Variants in PTPRN2 observed in about 807,000 individuals in gnomAD.
The protein encoded by PTPRN2 is receptor-type tyrosine-protein phosphatase N2.
A neutral mutation model predicts 118.8 loss-of-function variants in PTPRN2; 74 were observed. The ratio of observed to expected loss-of-function variants is 0.62; its 90% CI spans 0.52 to 0.76. PTPRN2 has a LOEUF of 0.76. PTPRN2 is among the 30% of genes least tolerant of loss of function. The probability of loss-of-function intolerance (pLI) is 0.00; values close to 1 mark genes in which losing one functional copy is unlikely to be tolerated. For missense variants in PTPRN2, 1,481 were observed against 1,394.4 expected, an observed-to-expected ratio of 1.06 and a Z score of -0.99; for synonymous variants, 641 against 608.0, an observed-to-expected ratio of 1.05 and a Z score of -0.80.
chr7:157,645,212 T>C (rs989262393), intron 14 of PTPRN2, among the ~76,000 whole-genome samples: 1 of 152,226 alleles, frequency 6.6e-6, no homozygotes, highest in Non-Finnish European at 1.5e-5. Flanking sequence ...ATGAGGACTG[T>C]GTCCAAAACC....
At chr7:158,332,870 T>C (rs1234176144) in intron 2 of PTPRN2, among the ~76,000 whole-genome samples, 4 of 146,740 alleles carry the variant, frequency 2.7e-5, no homozygotes, top group African/African-American at 5.4e-5. Context: ...ACCCACACTC[T>C]CACCATAAGA....
intron 12 of PTPRN2, among the ~76,000 whole-genome samples, chr7:157,795,869 G>C (rs1163862378): frequency 6.6e-6 from 1 of 152,194 alleles, no homozygotes; most frequent in African/African-American, 2.4e-5. Context: ...CCTGCCTGAC[G>C]GAGGGAGCCC....
At chr7:157,672,675 T>C (rs1263546) in intron 13 of PTPRN2, among the ~76,000 whole-genome samples, 129,356 of 152,240 alleles carry the variant, frequency 0.85, 55,398 homozygotes, top group Non-Finnish European at 0.91. Flanking sequence ...TCCTCAGAGG[T>C]ACTCAGTCCA....
chr7:157,659,306 G>T lies in PTPRN2; in HGVS notation c.2002-2755C>A, dbSNP rs534142276. 1.1e-4 allele frequency among the ~76,000 whole-genome samples: 14 copies of T among 122,846 alleles called. No individual in the cohort carries two copies. In the South Asian group the frequency reaches 3.8e-3, roughly 33 times the overall value. 80.6% of individuals were successfully genotyped at this position (122,846 alleles called of 152,430 possible). A position where few individuals can be genotyped will look rare whatever the true frequency, so the allele number is the denominator to read the frequency against. On this transcript the variant is annotated intron_variant, in intron 13 of 22. Transcript: ENST00000389418. Reference sequence around the variant, plus strand: ...GGACTGGGAGGATGACTGCGGGGACGGGGGGGGATGACCCCGGGGACTGGG... The same window carrying T: ...GGACTGGGAGGATGACTGCGGGGACTGGGGGGGATGACCCCGGGGACTGGG...
At chr7:158,094,470 C>G (rs1050936873) in intron 10 of PTPRN2, among the ~76,000 whole-genome samples, 1 of 152,098 alleles carries the variant, frequency 6.6e-6, no homozygotes, top group Non-Finnish European at 1.5e-5. Context: ...CCACCATGCT[C>G]AGCTAATTTT....
rs369869767 is a variant in PTPRN2, at chr7:158,498,244, C to T, written c.113-8459G>A. ...TCACTCCACCCTGGAAGAAGGGCAG[C>T]GAGCTGGGTACCAGGACAACCATCA... On this transcript the variant is annotated intron_variant, in intron 1 of 22. Coordinates refer to ENST00000389418, the MANE Select transcript of PTPRN2 (RefSeq NM_002847.5). Among the ~76,000 whole-genome samples the T allele has an allele frequency of 2.4e-4, 37 of 152,314 alleles. No individual in the cohort carries two copies. The East Asian group carries it at 3.9e-3, about 16-fold the overall frequency.
chr7:158,063,662 C>T lies in PTPRN2; in HGVS notation c.1723+17636G>A, dbSNP rs188231683. On this transcript the variant is annotated intron_variant, in intron 11 of 22. Coordinates refer to ENST00000389418, the MANE Select transcript of PTPRN2 (RefSeq NM_002847.5). The stretch of plus-strand genomic sequence containing the variant: ...TCTGCAGCTTCACTCCTGAGGCCAG[C>T]GAGACCACGAACCCACCAGAAAGAA... 5.4e-3 allele frequency among the ~76,000 whole-genome samples: 829 copies of T among 152,258 alleles called. 5 individuals carry two copies. Among genetic ancestry groups the T allele is most frequent in the Middle Eastern group, 0.02 (6 of 294 alleles).
At chr7:158,188,157 G>A (rs1309260214) in intron 5 of PTPRN2, among the ~76,000 whole-genome samples, 1 of 143,850 alleles carries the variant, frequency 7.0e-6, no homozygotes, top group African/African-American at 2.6e-5. Flanking sequence ...CTCGCCCCCT[G>A]TACTGGGAAG....
chr7:157,950,312 G>A (rs1009881787), intron 11 of PTPRN2, among the ~76,000 whole-genome samples: 3 of 152,198 alleles, frequency 2.0e-5, no homozygotes, highest in East Asian at 1.9e-4. Flanking sequence ...CTGAGTGAAC[G>A]GAGGTTGTGC....
intron 5 of PTPRN2, among the ~76,000 whole-genome samples, chr7:158,171,348 T>TATATATATATACAC (rs1554571717): frequency 1.1e-5 from 1 of 90,004 alleles, no homozygotes; most frequent in African/African-American, 5.1e-5. Flanking sequence ...TATATATATA[T>TATATATATATACAC]ACACACACAC....
intron 13 of PTPRN2, among the ~76,000 whole-genome samples, chr7:157,678,591 T>C (rs1796777987): frequency 6.6e-6 from 1 of 152,166 alleles, no homozygotes; most frequent in Admixed American, 6.5e-5. Context: ...GCCACCACAC[T>C]GTCACTGCCT....
chr7:158,152,514 T>G (rs1821292588), intron 6 of PTPRN2, among the ~76,000 whole-genome samples: 1 of 152,162 alleles, frequency 6.6e-6, no homozygotes, highest in Admixed American at 6.5e-5. Flanking sequence ...ATGGGAGTGC[T>G]GGGAAGGGGA....
intron 12 of PTPRN2, among the ~76,000 whole-genome samples, chr7:157,694,131 T>C (rs1490343518): frequency 6.6e-6 from 1 of 152,262 alleles, no homozygotes. Flanking sequence ...CCTTCTTCCG[T>C]TGTCTCAGTG....
At chr7:157,599,143 G>T (rs1051984515) in intron 16 of PTPRN2, among the ~76,000 whole-genome samples, 11 of 152,020 alleles carry the variant, frequency 7.2e-5, no homozygotes, top group Non-Finnish European at 1.5e-4. Flanking sequence ...CAGAGTGGCT[G>T]GGATTACAGG....
intron 11 of PTPRN2, among the ~76,000 whole-genome samples, chr7:157,962,587 G>A (rs960410104): frequency 6.6e-6 from 1 of 152,174 alleles, no homozygotes; most frequent in African/African-American, 2.4e-5. Context: ...CAGACCCCAG[G>A]CCTTTTATTG....
Position 158,466,691 on chromosome 7 carries a change from T to C in PTPRN2, c.163+23044A>G, listed in dbSNP as rs1270875262. ...TCTGGATCTATAACCAAAAGAGGCGTTGATGGTAGCACTGTTTTTAATTTC... is the reference window on the plus strand; with the variant it reads ...TCTGGATCTATAACCAAAAGAGGCGCTGATGGTAGCACTGTTTTTAATTTC... On this transcript the variant is annotated intron_variant, in intron 2 of 22. Coordinates refer to ENST00000389418, the MANE Select transcript of PTPRN2 (RefSeq NM_002847.5). Among the ~76,000 whole-genome samples, 8 of 152,162 alleles carry C rather than the reference T, an allele frequency of 5.3e-5. No homozygotes were observed. The East Asian group carries it at 1.3e-3, about 26-fold the overall frequency.
intron 6 of PTPRN2, among the ~76,000 whole-genome samples, chr7:158,149,362 A>T (rs1300577304): frequency 2.0e-5 from 3 of 152,218 alleles, no homozygotes; most frequent in East Asian, 1.9e-4. Flanking sequence ...CATTGACATA[A>T]ACTTAAATCT....
intron 3 of PTPRN2, among the ~76,000 whole-genome samples, chr7:158,217,075 AAT>A (rs1188641080): frequency 5.9e-5 from 9 of 152,242 alleles, no homozygotes; most frequent in Non-Finnish European, 1.3e-4. Context: ...TGCTAAGTGA[AAT>A]TTTTAGCACT....
In PTPRN2 at chr7:158,022,785, G is replaced by A. The variant is rs1431380598; in HGVS notation, c.1723+58513C>T. On this transcript the variant is annotated intron_variant, in intron 11 of 22. Coordinates refer to ENST00000389418, the MANE Select transcript of PTPRN2 (RefSeq NM_002847.5). This position sits in a 1 kb window ranked among gnomAD's most constrained non-coding sequence, Gnocchi z 4.6. ...GGCTTCCGCCATGAGTCTGGAATGC[G>A]TTCTGAGCACCCCTGGAGCAGGGCA... Among the ~76,000 whole-genome samples, 3 of 152,276 alleles carry A rather than the reference G, an allele frequency of 2.0e-5. No homozygotes were observed. Among genetic ancestry groups the A allele is most frequent in the Non-Finnish European group, 2.9e-5 (2 of 68,048 alleles).
Sources: allele counts gnomAD v4.1 joint callset (sites outside exome capture counted in the v4.1 genomes callset), GRCh38; gene constraint gnomAD v4.1.1; non-coding constraint Gnocchi (gnomAD v3.1); transcripts MANE v1.5; gene names NCBI Gene and HGNC (gene_info 2026-07-23, HGNC 2026-07-21).